AATK: variants seen among roughly 807,000 people sequenced by gnomAD.
AATK encodes serine/threonine-protein kinase LMTK1.
AATK carries 91 observed loss-of-function variants against 114.3 expected under a neutral mutation model. The ratio of observed to expected loss-of-function variants is 0.80; its 90% CI spans 0.67 to 0.95. AATK has a LOEUF of 0.95. AATK is among the 40% of genes least tolerant of loss of function. The probability of loss-of-function intolerance (pLI) is 0.00; values close to 1 mark genes in which losing one functional copy is unlikely to be tolerated. For synonymous variants in AATK, 1,075 were observed against 916.5 expected, an observed-to-expected ratio of 1.17 and a Z score of -3.12; for missense variants, 2,176 against 1,965.2, an observed-to-expected ratio of 1.11 and a Z score of -2.03.
intron 1 of AATK, among the ~76,000 whole-genome samples, chr17:81,137,104 A>T (rs1321505801): frequency 6.6e-6 from 1 of 152,052 alleles, no homozygotes; most frequent in African/African-American, 2.4e-5. Context: ...CTAAAAATAA[A>T]AAAATTAGCT....
chr17:81,123,760 G>T (rs1391907642), intron 9 of AATK, among the ~76,000 whole-genome samples: 2 of 151,520 alleles, frequency 1.3e-5, no homozygotes, highest in African/African-American at 4.9e-5. Flanking sequence ...GAAGGGGAGA[G>T]AGGGGACGCC....
chr17:81,140,565 A>C (rs1009086707), intron 1 of AATK, among the ~76,000 whole-genome samples: 2 of 148,656 alleles, frequency 1.3e-5, no homozygotes, highest in Admixed American at 6.7e-5. Context: ...TTGCCAGGCA[A>C]GCCAGGGTCA....
chr17:81,161,261 C>T (rs1196690544), intron 1 of AATK, among the ~76,000 whole-genome samples: 6 of 152,130 alleles, frequency 3.9e-5, no homozygotes, highest in African/African-American at 4.8e-5. Context: ...CGGGATCCTT[C>T]CTGCCTCTCC....
At chr17:81,152,894 A>G (rs2061315602) in intron 1 of AATK, among the ~76,000 whole-genome samples, 1 of 151,152 alleles carries the variant, frequency 6.6e-6, no homozygotes, top group South Asian at 2.1e-4. Flanking sequence ...CCAGGATGGA[A>G]TGCAATGGTG....
rs535559083 is a variant in AATK at position 81,154,264 on chromosome 17, C to T, written c.55+11674G>A. On this transcript the variant is annotated intron_variant, in intron 1 of 13. Transcript: ENST00000326724. The stretch of plus-strand genomic sequence containing the variant: ...CTGTGCAACTGCCCGTCACCTGGCC[C>T]TGCCATATACCCTTTTTCATAAATC... Among the ~76,000 whole-genome samples the T allele has an allele frequency of 5.3e-5, 8 of 152,048 alleles. No individual in the cohort carries two copies. In the South Asian group the frequency reaches 8.3e-4, roughly 16 times the overall value.
intron 1 of AATK, among the ~76,000 whole-genome samples, chr17:81,165,158 T>C (rs540021507): frequency 5.3e-5 from 8 of 152,208 alleles, no homozygotes; most frequent in Non-Finnish European, 1.2e-4. Flanking sequence ...GGGCCGGATC[T>C]GGAGAAGCAG....
At position 81,126,728 on chromosome 17, in the gene AATK, A is replaced by AG. The variant is rs991608732; in HGVS notation, c.622-169dup. Reference sequence around the variant, plus strand: ...GTGGCCAGCACCCAGCAGTTCCTGGAGGGGGGCCGTGTCCCCCAGGGCTGG... The same window carrying AG: ...GTGGCCAGCACCCAGCAGTTCCTGGAGGGGGGGCCGTGTCCCCCAGGGCTGG... On this transcript the variant is annotated intron_variant, in intron 6 of 13. Coordinates refer to ENST00000326724, the MANE Select transcript of AATK (RefSeq NM_001080395.3). This position sits in a 1 kb window ranked among gnomAD's most constrained non-coding sequence, Gnocchi z 5.1. 27 of 1,417,184 alleles carry AG rather than the reference A, an allele frequency of 1.9e-5. No homozygotes were observed. Among genetic ancestry groups the AG allele is most frequent in the South Asian group, 4.7e-5 (3 of 64,132 alleles). 87.8% of individuals were successfully genotyped at this position (1,417,184 alleles called of 1,614,324 possible).
intron 2 of AATK, 111 bp downstream of exon 2, chr17:81,134,257 C>A (rs1446396948): frequency 4.1e-6 from 6 of 1,458,110 alleles, no homozygotes; most frequent in Non-Finnish European, 5.6e-6. Context: ...ACTACGGCCA[C>A]CCAGCAGCCA....
Position 81,122,819 on chromosome 17 carries a change from C to A in AATK, c.1117G>T (p.Glu373Ter). The change falls in exon 11 of 14, where the codon GAG (glutamate) becomes TAG (stop). Residue 373 changes from glutamate to a stop codon, truncating the protein, a stop_gained. Transcript: ENST00000326724. LOFTEE classifies it high-confidence loss of function. ...TGCAGCCAGCAGAACTGCATCACCT[C>A]GTACCTGCGAGGAGGTCCCCCGGGG... is the stretch of plus-strand genomic sequence containing the variant. ...LQLTLSDRWY[E>*]VMQFCWLQPE... 1.3e-6 allele frequency: 2 copies of A among 1,538,550 alleles called. No individual in the cohort carries two copies. The highest frequency in any genetic ancestry group is 2.4e-5 in the East Asian group (1 of 41,378).
intron 1 of AATK, among the ~76,000 whole-genome samples, chr17:81,146,199 A>G (rs922521689): frequency 2.0e-5 from 3 of 151,084 alleles, no homozygotes; most frequent in South Asian, 2.1e-4. Flanking sequence ...AAAAAAAAAA[A>G]AAAAAGAAAA....
chr17:81,152,912 G>A (rs954786759), intron 1 of AATK, among the ~76,000 whole-genome samples: 4 of 149,772 alleles, frequency 2.7e-5, no homozygotes, highest in Non-Finnish European at 4.4e-5. Context: ...GTGTGATCTC[G>A]GTTCACTGAA....
intron 4 of AATK, among the ~76,000 whole-genome samples, 163 bp from the exon 5 acceptor site, chr17:81,128,073 C>G (rs1254994844): frequency 6.6e-6 from 1 of 152,212 alleles, no homozygotes; most frequent in Non-Finnish European, 1.5e-5. Context: ...TTCCGGATCC[C>G]TCCCGGCAAC....
At chr17:81,149,067 G>A (rs547436125) in intron 1 of AATK, among the ~76,000 whole-genome samples, 9 of 152,282 alleles carry the variant, frequency 5.9e-5, no homozygotes, top group African/African-American at 2.2e-4. Flanking sequence ...GGTTGAATGC[G>A]TCCCATGACT....
chr17:81,124,611 C>T, intron 9 of AATK, 116 bp downstream of exon 9: 2 of 1,503,836 alleles, frequency 1.3e-6, no homozygotes, highest in African/African-American at 1.4e-5. Context: ...GGCGTGTGGC[C>T]ACTACAGGTG....
At chr17:81,137,996 C>T (rs914053249) in intron 1 of AATK, among the ~76,000 whole-genome samples, 1 of 134,942 alleles carries the variant, frequency 7.4e-6, no homozygotes, top group Non-Finnish European at 1.6e-5. Context: ...GTGCACACAC[C>T]CCCACACACG....
chr17:81,122,742 CAGGT>C lies in AATK; in HGVS notation c.1190_1193del (p.Tyr397CysfsTer69). ...CTGCTTCGGTGGCGCCCTTGGCACA[CAGGT>C]AGGACAGCAGCAGGTGCACCTCCTC... On this transcript the variant is annotated frameshift_variant, in exon 11 of 14. Transcript: ENST00000326724. LOFTEE classifies it high-confidence loss of function. 6.3e-7 allele frequency: 1 copy of C among 1,598,664 alleles called. No individual in the cohort carries two copies. Among genetic ancestry groups the C allele is most frequent in the Non-Finnish European group, 8.5e-7 (1 of 1,173,450 alleles).
chr17:81,165,507 G>A, intron 1 of AATK: 1 of 618,420 alleles, frequency 1.6e-6, no homozygotes, highest in Admixed American at 3.0e-5. Flanking sequence ...AGGGCTCTGA[G>A]AATCGCTCCC....
chr17:81,148,673 G>A (rs183742683), intron 1 of AATK, among the ~76,000 whole-genome samples: 108 of 152,188 alleles, frequency 7.1e-4, no homozygotes, highest in Non-Finnish European at 1.4e-3. Context: ...CTGGGGCAAG[G>A]GAGGGAAGGA....
At chr17:81,150,486 C>A (rs557511372) in intron 1 of AATK, among the ~76,000 whole-genome samples, 1 of 151,434 alleles carries the variant, frequency 6.6e-6, no homozygotes, top group East Asian at 2.0e-4. Flanking sequence ...CCCAGACCTC[C>A]TTCGTGCTCT....
Sources: allele counts gnomAD v4.1 joint callset (sites outside exome capture counted in the v4.1 genomes callset), GRCh38; gene constraint gnomAD v4.1.1; non-coding constraint Gnocchi (gnomAD v3.1); transcripts MANE v1.5; gene names NCBI Gene and HGNC (gene_info 2026-07-23, HGNC 2026-07-21).